Variants in GRIP1 observed in about 807,000 individuals in gnomAD.
GRIP1 encodes glutamate receptor interacting protein 1, also known as glutamate receptor-interacting protein 1.
GRIP1 carries 45 observed loss-of-function variants against 129.9 expected under a neutral mutation model. The observed-to-expected ratio is 0.35, with a 90% confidence interval of 0.27 to 0.44. GRIP1 has a LOEUF of 0.44. GRIP1 is among the 20% of genes least tolerant of loss of function. The pLI is 1.00. For synonymous variants in GRIP1, 530 were observed against 520.8 expected (o/e 1.02, Z -0.24); for missense variants, 1,196 against 1,396.8 (o/e 0.86, Z 2.29).
At chr12:66,725,437 T>C (rs2036222570) in intron 1 of GRIP1, among the ~76,000 whole-genome samples, 1 of 152,090 alleles carries the variant, frequency 6.6e-6, no homozygotes, top group Non-Finnish European at 1.5e-5. Context: ...TACAGTTTTT[T>C]GTTGTTTTAT....
intron 1 of GRIP1, among the ~76,000 whole-genome samples, chr12:67,017,986 G>A (rs1184465733): frequency 1.3e-5 from 2 of 152,194 alleles, no homozygotes; most frequent in African/African-American, 2.4e-5. Flanking sequence ...AAATTCTGAG[G>A]TGGTTTGTTA....
intron 1 of GRIP1, among the ~76,000 whole-genome samples, chr12:67,018,762 C>G (rs2042823642): frequency 6.6e-6 from 1 of 152,154 alleles, no homozygotes; most frequent in Non-Finnish European, 1.5e-5. Flanking sequence ...CTCAGCCAGT[C>G]AGCTCCATTT....
intron 1 of GRIP1, among the ~76,000 whole-genome samples, chr12:67,048,248 C>G (rs113817658): frequency 6.6e-6 from 1 of 151,482 alleles, no homozygotes; most frequent in East Asian, 1.9e-4. Flanking sequence ...CACACACAAA[C>G]GTGACAAGAT....
chr12:66,432,711 G>C, intron 13 of GRIP1, 83 bp from the exon 14 acceptor site: 1 of 790,652 alleles, frequency 1.3e-6, no homozygotes, highest in Middle Eastern at 2.5e-4. Context: ...AGGAATACTT[G>C]TATCATAATC....
intron 11 of GRIP1, among the ~76,000 whole-genome samples, chr12:66,447,930 T>G (rs1329577131): frequency 6.6e-6 from 1 of 152,234 alleles, no homozygotes; most frequent in Non-Finnish European, 1.5e-5. Flanking sequence ...AATTGTTTGC[T>G]TGGTTTTGAT....
At chr12:67,001,134 C>T (rs2042544919) in intron 1 of GRIP1, among the ~76,000 whole-genome samples, 1 of 152,114 alleles carries the variant, frequency 6.6e-6, no homozygotes, top group African/African-American at 2.4e-5. Context: ...TCAACTTATC[C>T]CTGTCTTACT....
intron 1 of GRIP1, among the ~76,000 whole-genome samples, chr12:66,971,503 G>T (rs1366302969): frequency 6.6e-6 from 1 of 152,158 alleles, no homozygotes; most frequent in East Asian, 1.9e-4. Flanking sequence ...ATAAATATTT[G>T]TTGAGCACCT....
intron 1 of GRIP1, among the ~76,000 whole-genome samples, chr12:66,652,236 G>T (rs1334734876): frequency 6.6e-6 from 1 of 152,094 alleles, no homozygotes; most frequent in Non-Finnish European, 1.5e-5. Flanking sequence ...GACCTCTTAG[G>T]AGGTGATTGG....
chr12:66,693,154 T>TCATG (rs10649501), intron 1 of GRIP1, among the ~76,000 whole-genome samples: 5,112 of 152,198 alleles, frequency 0.034, 289 homozygotes, highest in African/African-American at 0.12. Context: ...GAGAGCCAGG[T>TCATG]CATGAGCTTA....
chr12:66,928,189 C>T (rs2041327840), intron 1 of GRIP1, among the ~76,000 whole-genome samples: 1 of 152,092 alleles, frequency 6.6e-6, no homozygotes, highest in South Asian at 2.1e-4. Context: ...CCCATATAAA[C>T]CTCTGGTAAA....
chr12:66,984,216 G>T (rs2042278408), intron 1 of GRIP1, among the ~76,000 whole-genome samples: 1 of 152,088 alleles, frequency 6.6e-6, no homozygotes, highest in Admixed American at 6.6e-5. Flanking sequence ...AACTGCAAAA[G>T]CACAGAGAAA....
intron 5 of GRIP1, among the ~76,000 whole-genome samples, chr12:66,525,270 A>C (rs1440586312): frequency 2.6e-5 from 4 of 152,250 alleles, no homozygotes; most frequent in Non-Finnish European, 5.9e-5. Context: ...ACATTGATGC[A>C]AAAATCCTCA....
At chr12:66,691,774 TCTTAA>T (rs762017062) in intron 1 of GRIP1, among the ~76,000 whole-genome samples, 21 of 152,174 alleles carry the variant, frequency 1.4e-4, no homozygotes, top group Non-Finnish European at 2.4e-4. Flanking sequence ...AGATTCTCTC[TCTTAA>T]CTTGTTTGCG....
chr12:66,990,083 G>A, intron 1 of GRIP1, among the ~76,000 whole-genome samples: 1 of 152,146 alleles, frequency 6.6e-6, no homozygotes, highest in Non-Finnish European at 1.5e-5. Context: ...AAAAGGGATG[G>A]TACATAAGAA....
chr12:66,809,589 G>A (rs1002100791), intron 1 of GRIP1, among the ~76,000 whole-genome samples: 1 of 151,672 alleles, frequency 6.6e-6, no homozygotes, highest in Non-Finnish European at 1.5e-5. Flanking sequence ...CAAATGATTT[G>A]TAATATCCCT....
intron 1 of GRIP1, among the ~76,000 whole-genome samples, chr12:67,057,560 A>C (rs962390796): frequency 2.0e-5 from 3 of 152,096 alleles, no homozygotes; most frequent in African/African-American, 7.2e-5. Context: ...TGGGAGGGTA[A>C]GGGTCTGAGT....
At chr12:66,937,747 T>C (rs1373140138) in intron 1 of GRIP1, among the ~76,000 whole-genome samples, 1 of 152,100 alleles carries the variant, frequency 6.6e-6, no homozygotes, top group Non-Finnish European at 1.5e-5. Flanking sequence ...TCAATAGATA[T>C]TAGAGTTTCC....
At chr12:66,500,371 T>A (rs2060358354) in intron 7 of GRIP1, among the ~76,000 whole-genome samples, 1 of 152,142 alleles carries the variant, frequency 6.6e-6, no homozygotes, top group South Asian at 2.1e-4. Flanking sequence ...CGGTGACAAA[T>A]CATTAGGTGT....
chr12:66,895,275 T>C (rs549195208), intron 1 of GRIP1, among the ~76,000 whole-genome samples: 2 of 152,314 alleles, frequency 1.3e-5, no homozygotes, highest in African/African-American at 4.8e-5. Flanking sequence ...TTTCCCATGC[T>C]GTTCTCATGA....
Sources: gnomAD v4.1 joint callset for allele counts (sites outside exome capture counted in the v4.1 genomes callset) on GRCh38, gnomAD v4.1.1 for gene constraint, MANE v1.5 for transcripts, NCBI Gene and HGNC (gene_info 2026-07-23, HGNC 2026-07-21) for gene names.